HIP1R: variants seen among roughly 807,000 people sequenced by gnomAD.
HIP1R encodes the protein huntingtin interacting protein 1 related, also known as huntingtin-interacting protein 1-related protein.
A neutral mutation model predicts 144.2 loss-of-function variants in HIP1R; 135 were observed. That is an observed-to-expected ratio of 0.94 (90% CI 0.81 to 1.08). The LOEUF (loss-of-function observed/expected upper bound fraction) is 1.08. Among genes scored for constraint, HIP1R ranks in the 50% least tolerant of loss-of-function variants. The pLI, the probability that HIP1R is intolerant of heterozygous loss-of-function variation, is 0.00. For synonymous variants in HIP1R, 698 were observed against 612.8 expected (o/e 1.14, Z -2.05); for missense variants, 1,462 against 1,432.8 (o/e 1.02, Z -0.33).
chr12:122,846,563 C>T (rs1941005514), intron 1 of HIP1R, among the ~76,000 whole-genome samples: 1 of 152,206 alleles, frequency 6.6e-6, no homozygotes. Flanking sequence ...GGGCCACTGG[C>T]TGGGCAGCCC....
rs1310462617 is a variant in HIP1R, at chr12:122,849,934, C to G, written c.417C>G (p.Thr139=). Residue 139 remains threonine, a synonymous_variant, in exon 5 of 32, where the codon ACC becomes ACG. Transcript: ENST00000253083. ...ATGTCTACACCAAGCTGCTGCTGAC[C>G]AAGATCTCCTTCCACCTCAAGGTGG... ...LVNVYTKLLL[T]KISFHLKHPQ... is the part of the protein sequence containing the mutation. The G allele has an allele frequency of 6.2e-7, 1 of 1,613,300 alleles. No homozygotes were observed. Among genetic ancestry groups the G allele is most frequent in the Non-Finnish European group, 8.5e-7 (1 of 1,179,714 alleles).
chr12:122,854,780 G>T, intron 8 of HIP1R, 125 bp from the exon 9 acceptor site: 1 of 947,052 alleles, frequency 1.1e-6, no homozygotes. Flanking sequence ...ATGGGAGAGC[G>T]GGCCTGGCCC....
intron 18 of HIP1R, chr12:122,857,806 A>C: frequency 2.8e-6 from 1 of 353,550 alleles, no homozygotes; most frequent in Non-Finnish European, 5.1e-6. Context: ...CACGGTCTTG[A>C]TTTGTGTTTC....
intron 3 of HIP1R, 70 bp from the exon 4 acceptor site, chr12:122,848,726 G>A: frequency 6.2e-7 from 1 of 1,600,660 alleles, no homozygotes; most frequent in Non-Finnish European, 8.5e-7. Context: ...CTCGGGTGGG[G>A]AGTGCGTGTC....
rs2033647696 is a variant in HIP1R, at chr12:122,858,089, C to T, written c.1816-13C>T. ...GAGGATCTCTAACCTGTCCTCTTCA[C>T]CCCCATTGCCAGGAGTCTCAGGAGC... On this transcript the variant is annotated splice_polypyrimidine_tract_variant and intron_variant, in intron 18 of 31. Transcript: ENST00000253083. 3.9e-6 allele frequency: 6 copies of T among 1,557,982 alleles called. No individual in the cohort carries two copies. The highest frequency in any genetic ancestry group is 5.2e-6 in the Non-Finnish European group (6 of 1,153,928).
intron 1 of HIP1R, among the ~76,000 whole-genome samples, chr12:122,841,940 C>T (rs1452744217): frequency 2.0e-5 from 3 of 152,172 alleles, no homozygotes; most frequent in East Asian, 3.9e-4. Context: ...TGGCCAGGAC[C>T]AAGCAGGCCT....
In HIP1R at chr12:122,835,509, T is replaced by C; in HGVS notation, c.-42T>C. 1 of 1,286,250 alleles carries C rather than the reference T, an allele frequency of 7.8e-7. No individual in the cohort carries two copies. The highest frequency in any genetic ancestry group is 9.9e-7 in the Non-Finnish European group (1 of 1,010,336). The allele number at this position is 1,286,250 out of a possible 1,614,324, so 79.7% of individuals were successfully genotyped here. A position where few individuals can be genotyped will look rare whatever the true frequency, so the allele number is the denominator to read the frequency against. On this transcript the variant is annotated 5_prime_UTR_variant, in exon 1 of 32. Coordinates refer to ENST00000253083, the MANE Select transcript of HIP1R (RefSeq NM_003959.3). ...GGCTGCCGGACCGTGAGGCTGTGAG[T>C]CGCGCGGACGGAGCCGGACAAAAGC... is the stretch of plus-strand genomic sequence containing the variant.
In HIP1R at chr12:122,850,906, C is replaced by A; in HGVS notation, c.510C>A (p.Asn170Lys). 1 of 1,610,288 alleles carries A rather than the reference C, an allele frequency of 6.2e-7. No individual in the cohort carries two copies. Among genetic ancestry groups the A allele is most frequent in the Non-Finnish European group, 8.5e-7 (1 of 1,178,460 alleles). The stretch of plus-strand genomic sequence containing the variant: ...AGAAGGCAGCTGGGACCGATGTCAA[C>A]AACATGTGAGTCACTCTGCATGGCT... ...VLEKAAGTDV[N>K]NIFQLTVEMF... The change falls in exon 6 of 32, where the codon AAC (asparagine) becomes AAA (lysine). Residue 170 changes from asparagine to lysine, a missense_variant. Asn to Lys is a moderately conservative substitution (Grantham distance 94). This residue lies in a region of HIP1R where 350 missense variants were observed against 421.1 expected (regional missense o/e 0.83). Coordinates refer to ENST00000253083, the MANE Select transcript of HIP1R (RefSeq NM_003959.3).
intron 4 of HIP1R, among the ~76,000 whole-genome samples, 169 bp from the exon 5 acceptor site, chr12:122,849,703 GGAA>G (rs1479476112): frequency 6.6e-6 from 1 of 152,268 alleles, no homozygotes; most frequent in Non-Finnish European, 1.5e-5. Context: ...ATGACAAGGA[GGAA>G]GATTAAGGGA....
At chr12:122,843,353 C>A (rs10773657) in intron 1 of HIP1R, among the ~76,000 whole-genome samples, 123,911 of 152,166 alleles carry the variant, frequency 0.81, 51,109 homozygotes, top group Middle Eastern at 0.9. Flanking sequence ...CTCCCTTGCC[C>A]ACCTGCTCCG....
At chr12:122,858,783 G>T in intron 20 of HIP1R, 55 bp from the exon 21 acceptor site, 1 of 1,252,562 alleles carries the variant, frequency 8.0e-7, no homozygotes. Context: ...GGTGGTCCCA[G>T]TGCTAGTGTC....
At chr12:122,844,375 C>A (rs2033149781) in intron 1 of HIP1R, among the ~76,000 whole-genome samples, 1 of 152,214 alleles carries the variant, frequency 6.6e-6, no homozygotes, top group African/African-American at 2.4e-5. Context: ...GATCTCCCAC[C>A]TCAGCCTCCC....
At chr12:122,838,232 A>G (rs2032961722) in intron 1 of HIP1R, among the ~76,000 whole-genome samples, 1 of 151,686 alleles carries the variant, frequency 6.6e-6, no homozygotes, top group Non-Finnish European at 1.5e-5. Flanking sequence ...GGTGCCTGTG[A>G]TTGTTGCATG....
intron 5 of HIP1R, chr12:122,850,358 G>A (rs753895996): frequency 2.4e-5 from 11 of 466,302 alleles, no homozygotes; most frequent in Admixed American, 4.7e-5. Flanking sequence ...GGTTGGGGGG[G>A]CCCTGGTTCA....
chr12:122,859,374 G>T, intron 22 of HIP1R, 52 bp from the exon 23 acceptor site: 3 of 1,538,482 alleles, frequency 1.9e-6, no homozygotes, highest in Non-Finnish European at 1.8e-6. Context: ...CAGGCTGCCC[G>T]TGGGACGGGG....
chr12:122,847,531 AGGCCCTG>A (rs1437995440), intron 1 of HIP1R, among the ~76,000 whole-genome samples: 1 of 152,236 alleles, frequency 6.6e-6, no homozygotes, highest in Non-Finnish European at 1.5e-5. Context: ...AGTGGGCCAC[AGGCCCTG>A]GGCTTTGCCT....
At chr12:122,861,547 G>A in intron 31 of HIP1R, 33 bp downstream of exon 31, 1 of 1,594,434 alleles carries the variant, frequency 6.3e-7, no homozygotes, top group South Asian at 1.1e-5. Context: ...GGAGTTCCTG[G>A]ACGGGGGTGC....
At chr12:122,858,988 C>T (rs1377226828) in intron 21 of HIP1R, 43 bp downstream of exon 21, 3 of 1,609,856 alleles carry the variant, frequency 1.9e-6, no homozygotes, top group African/African-American at 2.7e-5. Context: ...ACCTCACTGG[C>T]TTGTCTCCCC....
intron 24 of HIP1R, 97 bp from the exon 25 acceptor site, chr12:122,859,950 C>G (rs1482684778): frequency 1.4e-6 from 2 of 1,460,204 alleles, no homozygotes; most frequent in East Asian, 2.3e-5. Flanking sequence ...CAGACACTCC[C>G]TCCCCACCTG....
Sources: allele counts gnomAD v4.1 joint callset (sites outside exome capture counted in the v4.1 genomes callset), GRCh38; gene constraint gnomAD v4.1.1; regional missense constraint gnomAD v4.1.1; transcripts MANE v1.5; gene names NCBI Gene and HGNC (gene_info 2026-07-23, HGNC 2026-07-21).